MBD5: variants seen among roughly 807,000 people sequenced by gnomAD.
MBD5 encodes methyl-CpG-binding domain protein 5.
MBD5 carries 13 observed loss-of-function variants against 117.3 expected under a neutral mutation model. The ratio of observed to expected loss-of-function variants is 0.11; its 90% confidence interval spans 0.07 to 0.18. MBD5 has a LOEUF of 0.18. MBD5 is among the 10% of genes least tolerant of loss of function. MBD5 has a pLI of 1.00. For synonymous variants in MBD5, 727 were observed against 766.4 expected (o/e 0.95, Z 0.85); for missense variants, 1,879 against 2,093.8 (o/e 0.90, Z 2.00).
intron 1 of MBD5, among the ~76,000 whole-genome samples, chr2:148,148,930 TATTTA>T (rs1463765359): frequency 1.3e-5 from 2 of 151,178 alleles, no homozygotes. Flanking sequence ...AATATTTCTT[TATTTA>T]TTTTATTTTA....
chr2:148,393,162 A>T (rs1320856835), intron 4 of MBD5: 1 of 151,960 alleles, frequency 6.6e-6, no homozygotes, highest in African/African-American at 2.4e-5. Context: ...TTCAGTTCTC[A>T]CTCCTGTGAG....
intron 2 of MBD5, among the ~76,000 whole-genome samples, chr2:148,182,264 T>A (rs201809690): frequency 1.3e-5 from 2 of 152,294 alleles, no homozygotes; most frequent in East Asian, 3.9e-4. Context: ...ACAATGCTTT[T>A]TATTATGTGT....
rs576323632 is a variant in MBD5 at position 148,032,399 on chromosome 2, A to AT, written c.-925+10724dup. Among the ~76,000 whole-genome samples the AT allele has an allele frequency of 7.4e-3, 1,126 of 151,794 alleles. 10 individuals carry two copies. The highest frequency in any genetic ancestry group is 0.024 in the African/African-American group (1,007 of 41,434). ...AATTTACTCAGTGCGATCAAGAGGA[A>AT]TTTTTTTTTGGAGGAAGTGTTTATT... On this transcript the variant is annotated intron_variant, in intron 1 of 13. Coordinates refer to ENST00000642680, the MANE Select transcript of MBD5 (RefSeq NM_001378120.1).
chr2:148,502,611 G>A, intron 12 of MBD5, 102 bp downstream of exon 12: 2 of 1,144,820 alleles, frequency 1.7e-6, no homozygotes, highest in East Asian at 5.1e-5. Flanking sequence ...CCACGCTGTG[G>A]CCTGCCTAAG....
At chr2:148,133,667 C>CA (rs1234602450) in intron 1 of MBD5, among the ~76,000 whole-genome samples, 1 of 151,964 alleles carries the variant, frequency 6.6e-6, no homozygotes, top group African/African-American at 2.4e-5. Context: ...CTACTAAATA[C>CA]AAAAAATTAG....
intron 1 of MBD5, among the ~76,000 whole-genome samples, chr2:148,160,166 G>A (rs974941052): frequency 1.3e-5 from 2 of 152,168 alleles, no homozygotes; most frequent in African/African-American, 4.8e-5. Flanking sequence ...TTGGGAGGCC[G>A]AGGCGGGCAG....
chr2:148,489,448 A>C lies in MBD5; in HGVS notation c.3816A>C (p.Thr1272=). The C allele has an allele frequency of 6.2e-7, 1 of 1,614,190 alleles. No individual in the cohort carries two copies. Among genetic ancestry groups the C allele is most frequent in the Non-Finnish European group, 8.5e-7 (1 of 1,180,026 alleles). The change falls in exon 11 of 14, where the codon ACA becomes ACC. Residue 1272 remains threonine, a synonymous_variant. Coordinates refer to ENST00000642680, the MANE Select transcript of MBD5 (RefSeq NM_001378120.1). ...NKRISTQPGL[T]ALPENPNTTL... ...GAATAAGCACTCAGCCTGGGCTCAC[A>C]GCACTTCCTGAGAATCCAAACACTA...
intron 8 of MBD5, chr2:148,471,298 C>T (rs1320204904): frequency 6.6e-6 from 1 of 151,942 alleles, no homozygotes; most frequent in African/African-American, 2.4e-5. Flanking sequence ...CAATAGAGTC[C>T]TCAGAAATTG....
intron 1 of MBD5, among the ~76,000 whole-genome samples, chr2:148,089,149 A>G (rs1437894799): frequency 2.0e-5 from 3 of 152,160 alleles, no homozygotes; most frequent in African/African-American, 7.2e-5. Context: ...CAATAGGAAA[A>G]TATTATAATT....
At chr2:148,262,219 A>T (rs538254758) in intron 3 of MBD5, among the ~76,000 whole-genome samples, 1 of 152,284 alleles carries the variant, frequency 6.6e-6, no homozygotes, top group African/African-American at 2.4e-5. Flanking sequence ...TTTGTAAAAA[A>T]CACAATATCT....
chr2:148,252,110 C>T (rs888668754), intron 3 of MBD5, among the ~76,000 whole-genome samples: 16 of 152,018 alleles, frequency 1.1e-4, no homozygotes, highest in African/African-American at 3.9e-4. Context: ...TTCAGTGGAT[C>T]AGGGGATAGT....
chr2:148,497,205 T>C (rs2105187940), intron 11 of MBD5, among the ~76,000 whole-genome samples: 1 of 152,186 alleles, frequency 6.6e-6, no homozygotes. Context: ...TTAAATTTTT[T>C]CTTTAAATTT....
intron 1 of MBD5, among the ~76,000 whole-genome samples, chr2:148,176,837 G>A (rs1012397605): frequency 6.7e-6 from 1 of 150,082 alleles, no homozygotes; most frequent in South Asian, 2.1e-4. Flanking sequence ...TAAGCTAGGA[G>A]TGCTTCTCCC....
chr2:148,459,882 C>T (rs577948593), intron 5 of MBD5, among the ~76,000 whole-genome samples: 1 of 152,166 alleles, frequency 6.6e-6, no homozygotes, highest in African/African-American at 2.4e-5. Context: ...CAATTAAAAG[C>T]ATTTTGTTGC....
chr2:148,388,726 C>T (rs1222780704), intron 4 of MBD5, among the ~76,000 whole-genome samples: 3 of 152,140 alleles, frequency 2.0e-5, no homozygotes, highest in Non-Finnish European at 2.9e-5. Context: ...CTCACATGAC[C>T]TTTTCTCTGT....
At chr2:148,171,178 A>T (rs1262039813) in intron 1 of MBD5, among the ~76,000 whole-genome samples, 5 of 152,182 alleles carry the variant, frequency 3.3e-5, no homozygotes, top group Admixed American at 6.5e-5. Flanking sequence ...AAGGACATTT[A>T]AAAAAAGAAA....
intron 3 of MBD5, among the ~76,000 whole-genome samples, chr2:148,262,015 C>G (rs1700744685): frequency 6.6e-6 from 1 of 152,032 alleles, no homozygotes; most frequent in Non-Finnish European, 1.5e-5. Context: ...TGTTGTGGCA[C>G]CCCAAAACAG....
At position 148,468,976 on chromosome 2, in the gene MBD5, G is replaced by A. The variant is rs879033395; in HGVS notation, c.1033G>A (p.Ala345Thr). The A allele has an allele frequency of 3.1e-6, 5 of 1,612,988 alleles. No homozygotes were observed. Among genetic ancestry groups the A allele is most frequent in the Non-Finnish European group, 4.2e-6 (5 of 1,179,780 alleles). ...GPPPPPPPSC[A>T]LQKKPLTSEK... ...ACCTCCCCCTCCTCCACCTTCTTGT[G>A]CTCTTCAGAAAAAGCCATTAACATC... The change falls in exon 8 of 14, where the codon GCT becomes ACT. Residue 345 changes from alanine to threonine, a missense_variant. Coordinates refer to ENST00000642680, the MANE Select transcript of MBD5 (RefSeq NM_001378120.1).
At chr2:148,373,802 C>A (rs1433255710) in intron 4 of MBD5, among the ~76,000 whole-genome samples, 9 of 152,094 alleles carry the variant, frequency 5.9e-5, no homozygotes, top group Non-Finnish European at 8.8e-5. Context: ...TAGAATTATT[C>A]ATAATACTTT....
Sources: gnomAD v4.1 joint callset for allele counts (sites outside exome capture counted in the v4.1 genomes callset) on GRCh38, gnomAD v4.1.1 for gene constraint, MANE v1.5 for transcripts, NCBI Gene and HGNC (gene_info 2026-07-23, HGNC 2026-07-21) for gene names.